SOAT1: variants seen among roughly 807,000 people sequenced by gnomAD.
The protein encoded by SOAT1 is sterol O-acyltransferase 1, also known as acyl-coenzyme A:cholesterol acyltransferase 1.
A neutral mutation model predicts 69.5 loss-of-function variants in SOAT1; 55 were observed. The ratio of observed to expected loss-of-function variants is 0.79; its 90% CI spans 0.64 to 0.99. The LOEUF (loss-of-function observed/expected upper bound fraction) is 0.99, where lower values mean the gene tolerates loss of function less well. Among genes scored for constraint, SOAT1 ranks in the 50% least tolerant of loss-of-function variants. SOAT1 has a pLI of 0.00. For synonymous variants in SOAT1, 231 were observed against 224.7 expected (o/e 1.03, Z -0.25); for missense variants, 580 against 669.3 (o/e 0.87, Z 1.47).
chr1:179,316,308 T>C (rs1388974694), intron 2 of SOAT1, among the ~76,000 whole-genome samples: 2 of 150,592 alleles, frequency 1.3e-5, no homozygotes, highest in East Asian at 4.0e-4. Context: ...AGTACTTGCG[T>C]AGTTGATATT....
intron 10 of SOAT1, 26 bp from the exon 11 acceptor site, chr1:179,344,921 A>G (rs1386734627): frequency 1.2e-6 from 2 of 1,612,808 alleles, no homozygotes; most frequent in Non-Finnish European, 8.5e-7. Flanking sequence ...CATCGTTATT[A>G]TAATTCTGTC....
At chr1:179,326,086 A>G (rs546845505) in intron 3 of SOAT1, among the ~76,000 whole-genome samples, 65 of 152,232 alleles carry the variant, frequency 4.3e-4, no homozygotes, top group African/African-American at 1.5e-3. Flanking sequence ...GGTGTTAGAA[A>G]ACTTACACCG....
rs554493697 is a variant in SOAT1 at position 179,347,414 on chromosome 1, G to A, written c.1118-186G>A. 2.0e-5 allele frequency among the ~76,000 whole-genome samples: 3 copies of A among 150,328 alleles called. No homozygotes were observed. In the South Asian group the frequency reaches 6.3e-4, roughly 32 times the overall value. On this transcript the variant is annotated intron_variant, in intron 11 of 15. Transcript: ENST00000367619. ...TGTCATTTGTTGAACCCACTTTGAA[G>A]GAAGTTACTGTTTTAAAATTAAGAT... is the stretch of plus-strand genomic sequence containing the variant.
rs1665908245 is a variant in SOAT1 at position 179,329,673 on chromosome 1, C to T, written c.178-5833C>T. ...GAGGTTGCAGTGAGCTGAGATCACA[C>T]CACTGCACTCCAGCCTGGGTAACAG... On this transcript the variant is annotated intron_variant, in intron 3 of 15. Coordinates refer to ENST00000367619, the MANE Select transcript of SOAT1 (RefSeq NM_003101.6). Among the ~76,000 whole-genome samples the T allele has an allele frequency of 1.3e-5, 2 of 151,148 alleles. 1 individual carries two copies. Among genetic ancestry groups the T allele is most frequent in the South Asian group, 4.2e-4 (2 of 4,776 alleles).
rs1476902281 is a variant in SOAT1 at position 179,342,871 on chromosome 1, C to T, written c.869C>T (p.Pro290Leu). 3.7e-6 allele frequency: 6 copies of T among 1,612,812 alleles called. No homozygotes were observed. Among genetic ancestry groups the T allele is most frequent in the Non-Finnish European group, 5.1e-6 (6 of 1,179,082 alleles). The change falls in exon 9 of 16, where the codon CCA (proline) becomes CTA (leucine). Residue 290 changes from proline (P) to leucine (L), a missense_variant. Pro to Leu is a moderately conservative substitution (Grantham distance 98, BLOSUM62 -3). Coordinates refer to ENST00000367619, the MANE Select transcript of SOAT1 (RefSeq NM_003101.6). ...NSAKEKSSTV[P>L]IPTVNQYLYF... ...AGTTTTCCTTTTCTAGGCACTGTTCCAATACCTACAGTCAACCAGTATTTG... is the reference window on the plus strand; with the variant it reads ...AGTTTTCCTTTTCTAGGCACTGTTCTAATACCTACAGTCAACCAGTATTTG...
At chr1:179,324,842 G>A (rs1246682718) in intron 3 of SOAT1, among the ~76,000 whole-genome samples, 1 of 152,176 alleles carries the variant, frequency 6.6e-6, no homozygotes, top group African/African-American at 2.4e-5. Flanking sequence ...AGTCTCTGTC[G>A]CCCAGGCTAG....
At chr1:179,328,610 A>G (rs1368521857) in intron 3 of SOAT1, among the ~76,000 whole-genome samples, 1 of 152,204 alleles carries the variant, frequency 6.6e-6, no homozygotes, top group Admixed American at 6.5e-5. Context: ...TGAATATGTT[A>G]AGAAGGGCAA....
intron 3 of SOAT1, among the ~76,000 whole-genome samples, chr1:179,325,606 T>A (rs1427282594): frequency 6.6e-6 from 1 of 152,162 alleles, no homozygotes; most frequent in Non-Finnish European, 1.5e-5. Flanking sequence ...CAAAAACATA[T>A]TATGTTCTAT....
chr1:179,345,489 C>T (rs1246284742), intron 11 of SOAT1, among the ~76,000 whole-genome samples: 2 of 152,140 alleles, frequency 1.3e-5, no homozygotes, highest in Non-Finnish European at 2.9e-5. Context: ...GTACTTTACC[C>T]CTTATCCAAG....
intron 2 of SOAT1, among the ~76,000 whole-genome samples, chr1:179,303,227 A>T (rs1664896284): frequency 6.6e-6 from 1 of 152,226 alleles, no homozygotes; most frequent in South Asian, 2.1e-4. Context: ...GTAAAATGTG[A>T]GTAATTAGCA....
At chr1:179,337,772 G>T in intron 4 of SOAT1, 65 bp from the exon 5 acceptor site, 1 of 1,179,928 alleles carries the variant, frequency 8.5e-7, no homozygotes, top group Non-Finnish European at 1.2e-6. Flanking sequence ...TCTCTTGTCT[G>T]TGGGATTAGA....
intron 3 of SOAT1, among the ~76,000 whole-genome samples, chr1:179,332,563 C>G (rs1666006278): frequency 6.6e-6 from 1 of 152,146 alleles, no homozygotes; most frequent in Non-Finnish European, 1.5e-5. Flanking sequence ...TGCCGCTTCT[C>G]CCTTCCTTCC....
intron 9 of SOAT1, 50 bp downstream of exon 9, chr1:179,342,993 G>A (rs762803807): frequency 6.3e-6 from 9 of 1,424,666 alleles, no homozygotes; most frequent in Admixed American, 3.3e-5. Flanking sequence ...AGTGTGGCAT[G>A]AGTGAGGTGG....
At position 179,350,347 on chromosome 1, in the gene SOAT1, T is replaced by C. The variant is rs371679360; in HGVS notation, c.1366T>C (p.Ser456Pro). ...SAAMLAVFAV[S>P]AVVHEYALAV... ...TGCCATGTTAGCTGTCTTTGCTGTA[T>C]CTGCTGTAGTACACGAATATGCCTT... Residue 456 changes from serine to proline, a missense_variant, in exon 14 of 16, where the codon TCT becomes CCT. Physicochemically the swap from Ser to Pro is moderately conservative, Grantham distance 74. Coordinates refer to ENST00000367619, the MANE Select transcript of SOAT1 (RefSeq NM_003101.6). 5 of 1,613,942 alleles carry C rather than the reference T, an allele frequency of 3.1e-6. No homozygotes were observed. In the African/African-American group the frequency reaches 4.0e-5, roughly 13 times the overall value.
In SOAT1 at chr1:179,323,478, T is replaced by G; in HGVS notation, c.160T>G (p.Leu54Val). The change falls in exon 3 of 16, where the codon TTG becomes GTG. Residue 54 changes from leucine (L) to valine (V), a missense_variant. Physicochemically the swap from Leu to Val is conservative, Grantham distance 32 (BLOSUM62 1). Transcript: ENST00000367619. ...IKQLIAKKIK[L>V]TAEAEELKPF... is the part of the protein sequence containing the mutation. Reference sequence around the variant, plus strand: ...ACAGTTGATAGCAAAGAAGATAAAGTTGACAGCAGAGGCAGAGGCAAGTAA... The same window carrying G: ...ACAGTTGATAGCAAAGAAGATAAAGGTGACAGCAGAGGCAGAGGCAAGTAA... 1.9e-6 allele frequency: 3 copies of G among 1,613,828 alleles called. No individual in the cohort carries two copies. Among genetic ancestry groups the G allele is most frequent in the South Asian group, 1.1e-5 (1 of 91,042 alleles).
chr1:179,350,979 C>T (rs546121237), intron 14 of SOAT1, among the ~76,000 whole-genome samples: 2 of 150,956 alleles, frequency 1.3e-5, no homozygotes, highest in Admixed American at 6.6e-5. Flanking sequence ...TGAGGTCCCT[C>T]ATCTTCTGAT....
At chr1:179,303,855 A>G (rs1664916042) in intron 2 of SOAT1, among the ~76,000 whole-genome samples, 1 of 152,224 alleles carries the variant, frequency 6.6e-6, no homozygotes, top group African/African-American at 2.4e-5. Flanking sequence ...CCTTGCCTGC[A>G]TTCTCACGCA....
At chr1:179,341,405 AACT>A in intron 7 of SOAT1, 95 bp downstream of exon 7, 1 of 1,249,052 alleles carries the variant, frequency 8.0e-7, no homozygotes, top group South Asian at 1.5e-5. Flanking sequence ...TAGCTGTATT[AACT>A]TGGATAAATT....
chr1:179,320,872 T>A (rs1169883433), intron 2 of SOAT1, among the ~76,000 whole-genome samples: 1 of 151,900 alleles, frequency 6.6e-6, no homozygotes, highest in Non-Finnish European at 1.5e-5. Flanking sequence ...TGTCAGGGAC[T>A]ACAGGCGCAC....
Sources: allele counts gnomAD v4.1 joint callset (sites outside exome capture counted in the v4.1 genomes callset), GRCh38; gene constraint gnomAD v4.1.1; transcripts MANE v1.5; gene names NCBI Gene and HGNC (gene_info 2026-07-23, HGNC 2026-07-21).